Variants in GNA14 observed in about 807,000 individuals in gnomAD.
GNA14 encodes the protein guanine nucleotide-binding protein subunit alpha-14.
A neutral mutation model predicts 42.0 loss-of-function variants in GNA14; 50 were observed. The observed-to-expected ratio is 1.19, with a 90% CI of 0.95 to 1.51. The LOEUF (loss-of-function observed/expected upper bound fraction) is 1.51. Ranked by LOEUF, GNA14 falls within the 40% of genes most tolerant of loss-of-function variation. GNA14 has a pLI of 0.00. For missense variants in GNA14, 473 were observed against 446.2 expected (o/e 1.06, Z -0.54); for synonymous variants, 173 against 163.1 (o/e 1.06, Z -0.46).
chr9:77,639,441 C>T (rs1824224743), intron 1 of GNA14, among the ~76,000 whole-genome samples: 1 of 152,168 alleles, frequency 6.6e-6, no homozygotes, highest in Non-Finnish European at 1.5e-5. Flanking sequence ...GTGGAAAAGC[C>T]TATATTTTAA....
chr9:77,441,998 G>C (rs1835744202), intron 2 of GNA14, among the ~76,000 whole-genome samples: 1 of 152,080 alleles, frequency 6.6e-6, no homozygotes, highest in Non-Finnish European at 1.5e-5. Context: ...GGATGACTAG[G>C]AAACTTGAAT....
chr9:77,473,501 T>C (rs1038649669), intron 2 of GNA14, among the ~76,000 whole-genome samples: 1 of 151,538 alleles, frequency 6.6e-6, no homozygotes, highest in Non-Finnish European at 1.5e-5. Context: ...TATAAATGAA[T>C]GGAAAAACAT....
In GNA14 at chr9:77,529,062, A is replaced by AC; in HGVS notation, c.309+6dup. Reference sequence around the variant, plus strand: ...CAAATAGGGCAAGCACTCCCTAAGCACGTTACCTTATTCTGTTCACACACA... The same window carrying AC: ...CAAATAGGGCAAGCACTCCCTAAGCACCGTTACCTTATTCTGTTCACACACA... On this transcript the variant is annotated splice_region_variant and intron_variant, in intron 2 of 6. Coordinates refer to ENST00000341700, the MANE Select transcript of GNA14 (RefSeq NM_004297.4). 1 of 1,613,242 alleles carries AC rather than the reference A, an allele frequency of 6.2e-7. No homozygotes were observed. Among genetic ancestry groups the AC allele is most frequent in the Non-Finnish European group, 8.5e-7 (1 of 1,179,196 alleles).
intron 1 of GNA14, among the ~76,000 whole-genome samples, chr9:77,602,726 C>T (rs1280713629): frequency 6.6e-6 from 1 of 151,738 alleles, no homozygotes; most frequent in Non-Finnish European, 1.5e-5. Flanking sequence ...TTCCTTCACA[C>T]TCAAACTACA....
At chr9:77,509,680 G>C (rs904103148) in intron 2 of GNA14, among the ~76,000 whole-genome samples, 4 of 152,220 alleles carry the variant, frequency 2.6e-5, no homozygotes, top group Non-Finnish European at 5.9e-5. Flanking sequence ...GCAGAGAGTG[G>C]TGAATGTCAC....
At chr9:77,450,783 C>A (rs79671182) in intron 2 of GNA14, among the ~76,000 whole-genome samples, 3 of 151,896 alleles carry the variant, frequency 2.0e-5, no homozygotes, top group Admixed American at 1.3e-4. Context: ...CCCCATGTGT[C>A]GTGGGAGGGA....
intron 2 of GNA14, among the ~76,000 whole-genome samples, chr9:77,510,667 T>C (rs1837149189): frequency 6.6e-6 from 1 of 152,226 alleles, no homozygotes; most frequent in Non-Finnish European, 1.5e-5. Flanking sequence ...TAATGGCCTC[T>C]GGCCATCTCA....
At chr9:77,486,287 T>C (rs1365456968) in intron 2 of GNA14, among the ~76,000 whole-genome samples, 1 of 152,226 alleles carries the variant, frequency 6.6e-6, no homozygotes, top group African/African-American at 2.4e-5. Flanking sequence ...CTTCCAGCTT[T>C]TATTGTGCAG....
At chr9:77,446,908 A>G (rs1835828457) in intron 2 of GNA14, among the ~76,000 whole-genome samples, 1 of 152,140 alleles carries the variant, frequency 6.6e-6, no homozygotes, top group Non-Finnish European at 1.5e-5. Context: ...CAGTACAGAG[A>G]TGAACTATCA....
At chr9:77,529,811 G>T (rs1346048629) in intron 1 of GNA14, among the ~76,000 whole-genome samples, 1 of 152,098 alleles carries the variant, frequency 6.6e-6, no homozygotes, top group Non-Finnish European at 1.5e-5. Flanking sequence ...CAAGGAACGT[G>T]TTACAGTATG....
intron 1 of GNA14, among the ~76,000 whole-genome samples, chr9:77,589,337 CCTTTGA>C (rs1410684858): frequency 6.6e-6 from 1 of 152,162 alleles, no homozygotes; most frequent in African/African-American, 2.4e-5. Flanking sequence ...GTTACCAATT[CCTTTGA>C]CTTTGACCTA....
chr9:77,466,002 A>G (rs1019578733), intron 2 of GNA14, among the ~76,000 whole-genome samples: 8 of 152,158 alleles, frequency 5.3e-5, no homozygotes, highest in African/African-American at 1.9e-4. Flanking sequence ...CCTTGTGCAT[A>G]ATGAGTAGTT....
intron 2 of GNA14, among the ~76,000 whole-genome samples, chr9:77,477,014 A>G (rs1836439149): frequency 6.6e-6 from 1 of 152,210 alleles, no homozygotes; most frequent in South Asian, 2.1e-4. Flanking sequence ...TCCCTCAGCC[A>G]GAAGACATAC....
intron 1 of GNA14, among the ~76,000 whole-genome samples, chr9:77,586,508 G>C (rs1823305222): frequency 6.6e-6 from 1 of 152,148 alleles, no homozygotes; most frequent in African/African-American, 2.4e-5. Context: ...GAGGTTTGTT[G>C]TCCCACACCA....
chr9:77,515,677 G>A (rs945299044), intron 2 of GNA14, among the ~76,000 whole-genome samples: 6 of 152,088 alleles, frequency 3.9e-5, no homozygotes, highest in African/African-American at 1.4e-4. Context: ...TCAAGAGTGA[G>A]CTGGTGCCAG....
chr9:77,527,503 T>A (rs975518226), intron 2 of GNA14, among the ~76,000 whole-genome samples: 8 of 152,178 alleles, frequency 5.3e-5, no homozygotes, highest in Admixed American at 1.3e-4. Context: ...CAATTTTTTT[T>A]AAGCTCATCA....
intron 2 of GNA14, 44 bp downstream of exon 2, chr9:77,529,025 G>T (rs372216998): frequency 1.6e-4 from 248 of 1,509,634 alleles, no homozygotes; most frequent in Non-Finnish European, 2.2e-4. Context: ...AGAGTGGGCA[G>T]GCATACATTC....
chr9:77,438,793 T>C (rs567086281), intron 2 of GNA14, among the ~76,000 whole-genome samples: 171 of 152,272 alleles, frequency 1.1e-3, no homozygotes, highest in African/African-American at 3.9e-3. Context: ...TTTCTTGAAA[T>C]GTTTGAGTAA....
At chr9:77,519,182 G>A (rs193088359) in intron 2 of GNA14, among the ~76,000 whole-genome samples, 1 of 152,166 alleles carries the variant, frequency 6.6e-6, no homozygotes. Flanking sequence ...AGGCCGAGGC[G>A]GGTGGGTCAC....
Sources: gnomAD v4.1 joint callset for allele counts (sites outside exome capture counted in the v4.1 genomes callset) on GRCh38, gnomAD v4.1.1 for gene constraint, MANE v1.5 for transcripts, NCBI Gene and HGNC (gene_info 2026-07-23, HGNC 2026-07-21) for gene names.